The following FBXO9 variants were observed in gnomAD, a reference collection of about 807,000 sequenced individuals.
FBXO9 encodes F-box only protein 9.
FBXO9 carries 43 observed loss-of-function variants against 63.7 expected under a neutral mutation model. The observed-to-expected ratio is 0.67, with a 90% CI of 0.53 to 0.87. The LOEUF (loss-of-function observed/expected upper bound fraction) is 0.87, where lower values mean the gene tolerates loss of function less well. FBXO9 is among the 40% of genes least tolerant of loss of function. The probability of loss-of-function intolerance (pLI) is 0.00; values close to 1 mark genes in which losing one functional copy is unlikely to be tolerated. For missense variants in FBXO9, 442 were observed against 533.2 expected, an observed-to-expected ratio of 0.83 and a Z score of 1.68; for synonymous variants, 156 against 171.7, an observed-to-expected ratio of 0.91 and a Z score of 0.72.
chr6:53,092,363 A>G lies in FBXO9; in HGVS notation c.654-66A>G. ...ACTTGCTAAATAAAAGATGGCTGAT[A>G]GCAAAAATATTTATGTCTATGTATA... On this transcript the variant is annotated intron_variant, in intron 7 of 12. Transcript: ENST00000323557. 4 of 1,199,318 alleles carry G rather than the reference A, an allele frequency of 3.3e-6. No individual in the cohort carries two copies. The South Asian group carries it at 3.8e-5, about 11-fold the overall frequency. 74.3% of individuals were successfully genotyped at this position (1,199,318 alleles called of 1,614,324 possible).
chr6:53,090,437 G>A (rs763468732), intron 7 of FBXO9, among the ~76,000 whole-genome samples: 9 of 152,156 alleles, frequency 5.9e-5, no homozygotes, highest in Non-Finnish European at 1.2e-4. Flanking sequence ...ACATCTAATT[G>A]ATCACAACCA....
upstream of FBXO9, chr6:53,065,035 A>G (rs889133622): frequency 2.6e-5 from 4 of 152,252 alleles, no homozygotes; most frequent in African/African-American, 9.6e-5. Flanking sequence ...TTTAGTCGTT[A>G]TAACAACTGT....
Position 53,093,986 on chromosome 6 carries a change from T to A in FBXO9, c.1053+8T>A. ...ACTAAGAAAAAAGAAGAAGTGAGTATACGAGGTGTAATTAATAGTTTTCTT... is the reference window on the plus strand; with the variant it reads ...ACTAAGAAAAAAGAAGAAGTGAGTAAACGAGGTGTAATTAATAGTTTTCTT... On this transcript the variant is annotated splice_region_variant and intron_variant, in intron 11 of 12. Coordinates refer to ENST00000323557, the MANE Select transcript of FBXO9 (RefSeq NM_033480.3). 2.6e-6 allele frequency: 4 copies of A among 1,516,008 alleles called. No homozygotes were observed. Among genetic ancestry groups the A allele is most frequent in the Non-Finnish European group, 3.6e-6 (4 of 1,120,280 alleles). 93.9% of individuals were successfully genotyped at this position (1,516,008 alleles called of 1,614,324 possible). A position where few individuals can be genotyped will look rare whatever the true frequency, so the allele number is the denominator to read the frequency against.
rs908603853 is a variant in FBXO9 at position 53,096,589 on chromosome 6, AT to A, written c.1205+935del. ...TTGCTTCTCTCTCTAATGCTGTGGG[AT>A]TTTTTTTTTCTACTTTTCAAAGAAA... On this transcript the variant is annotated intron_variant, in intron 12 of 12. Transcript: ENST00000323557. Among the ~76,000 whole-genome samples, 11 of 149,986 alleles carry A rather than the reference AT, an allele frequency of 7.3e-5. No individual in the cohort carries two copies. In the East Asian group the frequency reaches 7.8e-4, roughly 11 times the overall value.
chr6:53,081,050 C>A lies in FBXO9; in HGVS notation c.490C>A (p.Leu164Ile), dbSNP rs759837159. Residue 164 changes from leucine (L) to isoleucine (I), a missense_variant, in exon 6 of 13, where the codon CTT becomes ATT. By Grantham distance (5) the Leu-to-Ile change is conservative (BLOSUM62 2). Transcript: ENST00000323557. Reference sequence around the variant, plus strand: ...GCAACTCACATTTCAGGAGTCTGTGCTTAAACTGTGTCAGCCTGAGCTTGA... The same window carrying A: ...GCAACTCACATTTCAGGAGTCTGTGATTAAACTGTGTCAGCCTGAGCTTGA... Reference protein sequence around the residue: ...QQQLTFQESVLKLCQPELESS... With the variant: ...QQQLTFQESVIKLCQPELESS... 2 of 1,613,286 alleles carry A rather than the reference C, an allele frequency of 1.2e-6. No homozygotes were observed. The highest frequency in any genetic ancestry group is 2.2e-5 in the South Asian group (2 of 91,084).
intron 1 of FBXO9, 104 bp downstream of exon 1, chr6:53,065,896 G>A: frequency 8.2e-7 from 1 of 1,225,296 alleles, no homozygotes; most frequent in Non-Finnish European, 1.0e-6. Context: ...CTGGGGAGGA[G>A]TGGGAGCTTC....
intron 6 of FBXO9, 105 bp from the exon 7 acceptor site, chr6:53,082,399 G>A (rs1769345130): frequency 6.1e-6 from 4 of 657,598 alleles, no homozygotes; most frequent in Non-Finnish European, 8.0e-6. Flanking sequence ...GCAATACAGA[G>A]GGTGTGATTA....
rs924936406 is a variant in FBXO9 at position 53,098,641 on chromosome 6, A to G, written c.*811A>G. Reference sequence around the variant, plus strand: ...CATTTCATCATTGGTCTTTATATGTAGCCACAAACACTGACCTCATGTAGG... The same window carrying G: ...CATTTCATCATTGGTCTTTATATGTGGCCACAAACACTGACCTCATGTAGG... On this transcript the variant is annotated 3_prime_UTR_variant, in exon 13 of 13. Transcript: ENST00000323557. The G allele has an allele frequency of 2.0e-5, 3 of 152,222 alleles. No homozygotes were observed. Among genetic ancestry groups the G allele is most frequent in the Non-Finnish European group, 2.9e-5 (2 of 68,046 alleles). The allele number at this position is 152,222 out of a possible 1,614,324, so 9.4% of individuals were successfully genotyped here.
intron 7 of FBXO9, chr6:53,090,968 G>A (rs1314516215): frequency 6.6e-6 from 1 of 152,318 alleles, no homozygotes; most frequent in South Asian, 2.1e-4. Context: ...TTAGCTGGGT[G>A]TGGTGGTGCA....
intron 7 of FBXO9, chr6:53,090,767 A>T (rs759779234): frequency 1.3e-5 from 2 of 152,062 alleles, no homozygotes; most frequent in African/African-American, 4.8e-5. Flanking sequence ...TGCAGCCTCA[A>T]ACTCCTGGCC....
At chr6:53,089,059 G>GT (rs575219161) in intron 7 of FBXO9, among the ~76,000 whole-genome samples, 75 of 148,064 alleles carry the variant, frequency 5.1e-4, no homozygotes, top group Middle Eastern at 7.2e-3. Flanking sequence ...CCCTAGTGGG[G>GT]TTTTTTTTTG....
Position 53,093,971 on chromosome 6 carries a change from A to T in FBXO9, c.1046A>T (p.Lys349Ile). 6.5e-7 allele frequency: 1 copy of T among 1,547,624 alleles called. No homozygotes were observed. Among genetic ancestry groups the T allele is most frequent in the Non-Finnish European group, 8.7e-7 (1 of 1,144,050 alleles). The change falls in exon 11 of 13, where the codon AAA (lysine) becomes ATA (isoleucine). Residue 349 changes from lysine to isoleucine, a missense_variant. Lys to Ile is a moderately radical substitution (Grantham distance 102, BLOSUM62 -3). This residue lies in a region of FBXO9 where 262 missense variants were observed against 362.1 expected (regional missense o/e 0.72). Transcript: ENST00000323557. Reference sequence around the variant, plus strand: ...GTATTTGCTGTAATAACTAAGAAAAAAGAAGAAGTGAGTATACGAGGTGTA... The same window carrying T: ...GTATTTGCTGTAATAACTAAGAAAATAGAAGAAGTGAGTATACGAGGTGTA... ...TKVFAVITKK[K>I]EEKPLDYKYR...
At chr6:53,095,324 GA>G (rs1051227284) in intron 11 of FBXO9, among the ~76,000 whole-genome samples, 188 bp from the exon 12 acceptor site, 41 of 150,724 alleles carry the variant, frequency 2.7e-4, no homozygotes, top group Non-Finnish European at 4.6e-4. Context: ...TGATGATGGG[GA>G]AAAAAATCTG....
At chr6:53,066,780 A>G (rs1768717842) in intron 1 of FBXO9, among the ~76,000 whole-genome samples, 1 of 152,248 alleles carries the variant, frequency 6.6e-6, no homozygotes, top group Admixed American at 6.5e-5. Context: ...CACATGAGCT[A>G]TTCAAGTGAA....
intron 1 of FBXO9, among the ~76,000 whole-genome samples, chr6:53,067,213 G>A (rs1308348969): frequency 6.6e-6 from 1 of 152,124 alleles, no homozygotes; most frequent in Non-Finnish European, 1.5e-5. Context: ...CATGAAAAGG[G>A]ACCTCAGTAG....
At chr6:53,075,465 C>A (rs1289100851) in intron 3 of FBXO9, among the ~76,000 whole-genome samples, 1 of 150,486 alleles carries the variant, frequency 6.6e-6, no homozygotes, top group African/African-American at 2.4e-5. Flanking sequence ...AGGCTTGTCT[C>A]GAACTCCTGA....
intron 4 of FBXO9, among the ~76,000 whole-genome samples, chr6:53,077,246 G>T (rs570665808): frequency 1.3e-4 from 20 of 151,960 alleles, no homozygotes; most frequent in Non-Finnish European, 2.2e-4. Flanking sequence ...AGGCCGAGGC[G>T]GGCGGATCAC....
chr6:53,065,789 C>A lies in FBXO9; in HGVS notation c.-1C>A. On this transcript the variant is annotated 5_prime_UTR_variant, in exon 1 of 13. Transcript: ENST00000323557. ...CGAGCGCAGCAGGCCGCCCCGCCAGCATGGTAACCTGGCCAGGGGGCTCGA... is the reference window on the plus strand; with the variant it reads ...CGAGCGCAGCAGGCCGCCCCGCCAGAATGGTAACCTGGCCAGGGGGCTCGA... The A allele has an allele frequency of 7.2e-7, 1 of 1,386,494 alleles. No individual in the cohort carries two copies. 85.9% of individuals were successfully genotyped at this position (1,386,494 alleles called of 1,614,324 possible).
chr6:53,072,008 G>T (rs1245043734), intron 2 of FBXO9, among the ~76,000 whole-genome samples: 1 of 151,908 alleles, frequency 6.6e-6, no homozygotes, highest in African/African-American at 2.4e-5. Context: ...CATTAAAAGA[G>T]AAAAAAAGTT....
Sources: allele counts gnomAD v4.1 joint callset (sites outside exome capture counted in the v4.1 genomes callset), GRCh38; gene constraint gnomAD v4.1.1; regional missense constraint gnomAD v4.1.1; transcripts MANE v1.5; gene names NCBI Gene and HGNC (gene_info 2026-07-23, HGNC 2026-07-21).